The following DYNLRB2 variants were observed in gnomAD, a reference collection of about 807,000 sequenced individuals.
DYNLRB2 encodes the protein bithoraxoid-like protein.
In DYNLRB2, 14 loss-of-function variants were observed where a neutral mutation model predicts 12.6. The ratio of observed to expected loss-of-function variants is 1.11; its 90% confidence interval spans 0.73 to 1.73. DYNLRB2 has a LOEUF of 1.73. Ranked by LOEUF, DYNLRB2 falls within the 40% of genes most tolerant of loss-of-function variation. The pLI is 0.00. For missense variants in DYNLRB2, 142 were observed against 117.7 expected, an observed-to-expected ratio of 1.21 and a Z score of -0.95; for synonymous variants, 53 against 37.0, an observed-to-expected ratio of 1.43 and a Z score of -1.57.
rs761453209 is a variant in DYNLRB2, at chr16:80,541,090, G to A, written c.3+11G>A. 7.5e-6 allele frequency: 12 copies of A among 1,605,348 alleles called. No homozygotes were observed. Among genetic ancestry groups the A allele is most frequent in the Middle Eastern group, 3.3e-4 (2 of 6,052 alleles). ...GCGGCCTCCGCGATGGTAAATCTGGGGTCTCCGTCCACGCCCCGCCGTTCC... is the reference window on the plus strand; with the variant it reads ...GCGGCCTCCGCGATGGTAAATCTGGAGTCTCCGTCCACGCCCCGCCGTTCC... On this transcript the variant is annotated intron_variant, in intron 1 of 3. Coordinates refer to ENST00000305904, the MANE Select transcript of DYNLRB2 (RefSeq NM_130897.3).
chr16:80,547,854 A>T (rs965440563), intron 2 of DYNLRB2: 1 of 456,504 alleles, frequency 2.2e-6, no homozygotes. Context: ...CAAGGTTTTT[A>T]TTATGCTTTA....
At chr16:80,544,724 C>G (rs974928829) in intron 2 of DYNLRB2, 1 of 152,184 alleles carries the variant, frequency 6.6e-6, no homozygotes, top group Non-Finnish European at 1.5e-5. Flanking sequence ...AAGTTGAAAT[C>G]AAGATGTCCG....
intron 2 of DYNLRB2, chr16:80,548,285 C>T (rs1006061473): frequency 2.5e-5 from 4 of 160,624 alleles, no homozygotes; most frequent in Non-Finnish European, 5.5e-5. Flanking sequence ...ATATAAAATA[C>T]CTAGCACAGT....
chr16:80,543,331 C>A lies in DYNLRB2; in HGVS notation c.59C>A (p.Thr20Asn). 2 of 1,614,010 alleles carry A rather than the reference C, an allele frequency of 1.2e-6. No individual in the cohort carries two copies. The highest frequency in any genetic ancestry group is 1.1e-5 in the South Asian group (1 of 91,066). The change falls in exon 2 of 4, where the codon ACT becomes AAT. Residue 20 changes from threonine (T) to asparagine (N), a missense_variant. By Grantham distance (65) the Thr-to-Asn change is moderately conservative. Transcript: ENST00000305904. ...RIQSHKGVIG[T>N]MVVNAEGIPI... Reference sequence around the variant, plus strand: ...CAGAGTCATAAAGGGGTTATTGGAACTATGGTTGTAAATGCAGAAGGTAAA... The same window carrying A: ...CAGAGTCATAAAGGGGTTATTGGAAATATGGTTGTAAATGCAGAAGGTAAA...
At chr16:80,543,478 G>A in intron 2 of DYNLRB2, 127 bp downstream of exon 2, 2 of 860,718 alleles carry the variant, frequency 2.3e-6, no homozygotes, top group Admixed American at 2.6e-5. Flanking sequence ...TTTAGCTCTG[G>A]CATTCACTTA....
intron 1 of DYNLRB2, chr16:80,541,463 G>A (rs550502493): frequency 5.6e-6 from 5 of 887,506 alleles, no homozygotes; most frequent in East Asian, 1.2e-4. Context: ...TAGAGAGAAG[G>A]AAGAGGTGGG....
At chr16:80,542,826 A>C (rs984164841) in intron 1 of DYNLRB2, among the ~76,000 whole-genome samples, 2 of 152,212 alleles carry the variant, frequency 1.3e-5, no homozygotes, top group Admixed American at 1.3e-4. Flanking sequence ...AAGATTTCTC[A>C]ATAAGGACTA....
At chr16:80,545,465 C>G (rs1904394069) in intron 2 of DYNLRB2, among the ~76,000 whole-genome samples, 1 of 151,930 alleles carries the variant, frequency 6.6e-6, no homozygotes. Flanking sequence ...AAAGCGGTCA[C>G]CGGCATGTTC....
At chr16:80,548,345 T>C (rs1306795856) in intron 2 of DYNLRB2, among the ~76,000 whole-genome samples, 1 of 152,186 alleles carries the variant, frequency 6.6e-6, no homozygotes, top group African/African-American at 2.4e-5. Context: ...TTGAGTTAGA[T>C]TGATTTCAAC....
chr16:80,548,966 C>CAGAGCA (rs1486900709), intron 2 of DYNLRB2: 1 of 455,832 alleles, frequency 2.2e-6, no homozygotes, highest in Admixed American at 2.3e-5. Context: ...CACCATGTCA[C>CAGAGCA]AGAGCAAGAA....
At chr16:80,543,461 T>TTTTG in intron 2 of DYNLRB2, 110 bp downstream of exon 2, 1 of 999,602 alleles carries the variant, frequency 1.0e-6, no homozygotes, top group Non-Finnish European at 1.5e-6. Flanking sequence ...AAAATATATT[T>TTTTG]ATATATTTTA....
chr16:80,540,941 C>A (rs1909284895), upstream of DYNLRB2: 13 of 1,508,910 alleles, frequency 8.6e-6, no homozygotes, highest in African/African-American at 2.8e-5. Context: ...AAAGCCGACT[C>A]GCGAGCGCGC....
intron 3 of DYNLRB2, 149 bp downstream of exon 3, chr16:80,549,800 C>T (rs1904727727): frequency 3.2e-6 from 3 of 952,004 alleles, no homozygotes; most frequent in Non-Finnish European, 4.2e-6. Flanking sequence ...ATGTAAAAAT[C>T]CCAACCAAAA....
chr16:80,546,701 C>A (rs1218572455), intron 2 of DYNLRB2, among the ~76,000 whole-genome samples: 1 of 152,146 alleles, frequency 6.6e-6, no homozygotes, highest in South Asian at 2.1e-4. Context: ...TCAGATCTGT[C>A]GTATTTTCTT....
intron 2 of DYNLRB2, among the ~76,000 whole-genome samples, chr16:80,548,678 T>C (rs909681848): frequency 4.8e-5 from 7 of 146,756 alleles, no homozygotes; most frequent in African/African-American, 5.0e-5. Context: ...GCCAAGATCA[T>C]GCCGTCGCAC....
chr16:80,547,932 G>C (rs1050776303), intron 2 of DYNLRB2: 1 of 356,840 alleles, frequency 2.8e-6, no homozygotes, highest in Non-Finnish European at 5.6e-6. Context: ...GGACATAGCA[G>C]TTATCTTAAA....
rs768689180 is a variant in DYNLRB2 at position 80,550,514 on chromosome 16, G to C, written c.248-1G>C. ...AATTGATTTTATCCATCTCTCCATA[G>C]ATAAGGAATATCTTCTGATCGTCAT... On this transcript the variant is annotated splice_acceptor_variant, in intron 3 of 3. Coordinates refer to ENST00000305904, the MANE Select transcript of DYNLRB2 (RefSeq NM_130897.3). LOFTEE classifies it high-confidence loss of function. 1 of 1,614,146 alleles carries C rather than the reference G, an allele frequency of 6.2e-7. No homozygotes were observed. The highest frequency in any genetic ancestry group is 8.5e-7 in the Non-Finnish European group (1 of 1,180,002).
chr16:80,546,713 T>G (rs184472268), intron 2 of DYNLRB2, among the ~76,000 whole-genome samples: 16 of 152,380 alleles, frequency 1.1e-4, no homozygotes, highest in Admixed American at 5.2e-4. Context: ...TATTTTCTTA[T>G]GTATATAAGT....
At chr16:80,544,030 G>A (rs1303703594) in intron 2 of DYNLRB2, among the ~76,000 whole-genome samples, 2 of 152,178 alleles carry the variant, frequency 1.3e-5, no homozygotes, top group African/African-American at 2.4e-5. Context: ...TAAGGGCAAG[G>A]AGTGCCAGAA....
Sources: gnomAD v4.1 joint callset for allele counts (sites outside exome capture counted in the v4.1 genomes callset) on GRCh38, gnomAD v4.1.1 for gene constraint, MANE v1.5 for transcripts, NCBI Gene and HGNC (gene_info 2026-07-23, HGNC 2026-07-21) for gene names.